HMCN2: variants seen among roughly 807,000 people sequenced by gnomAD.
HMCN2 encodes the protein hemicentin-2.
In HMCN2, 325 loss-of-function variants were observed where a neutral mutation model predicts 377.5. The ratio of observed to expected loss-of-function variants is 0.86; its 90% CI spans 0.79 to 0.94. HMCN2 has a LOEUF of 0.94. HMCN2 is among the 40% of genes least tolerant of loss of function. The pLI, the probability that HMCN2 is intolerant of heterozygous loss-of-function variation, is 0.00. For synonymous variants in HMCN2, 2,007 were observed against 2,046.8 expected (o/e 0.98, Z 0.53); for missense variants, 4,543 against 4,725.3 (o/e 0.96, Z 1.13).
chr9:130,396,653 C>T (rs1187482782), intron 73 of HMCN2, among the ~76,000 whole-genome samples: 1 of 152,054 alleles, frequency 6.6e-6, no homozygotes, highest in Non-Finnish European at 1.5e-5. Context: ...CCCCTGACAA[C>T]CCCGTGGCCC....
chr9:130,429,514 T>G (rs1844605939), intron 93 of HMCN2, 43 bp from the exon 94 acceptor site: 1 of 1,549,018 alleles, frequency 6.5e-7, no homozygotes, highest in Non-Finnish European at 8.7e-7. Flanking sequence ...GGAGGGGCCC[T>G]GGGCTAGACC....
intron 8 of HMCN2, 145 bp from the exon 9 acceptor site, chr9:130,302,712 A>G: frequency 3.4e-6 from 1 of 291,282 alleles, no homozygotes; most frequent in Non-Finnish European, 7.1e-6. Flanking sequence ...GCAGAGGTGA[A>G]AACTGAGCTT....
intron 4 of HMCN2, among the ~76,000 whole-genome samples, chr9:130,292,992 AT>A (rs1554930566): frequency 6.1e-5 from 9 of 146,396 alleles, no homozygotes; most frequent in African/African-American, 2.2e-4. Context: ...CTATCTATCT[AT>A]CTATCTACCT....
chr9:130,422,649 AC>A lies in HMCN2; in HGVS notation c.13305del (p.Asn4435LysfsTer4). The A allele has an allele frequency of 7.5e-7, 1 of 1,326,296 alleles. No homozygotes were observed. Among genetic ancestry groups the A allele is most frequent in the African/African-American group, 1.5e-5 (1 of 65,378 alleles). 82.2% of individuals were successfully genotyped at this position (1,326,296 alleles called of 1,614,324 possible). On this transcript the variant is annotated frameshift_variant, in exon 87 of 98. Coordinates refer to ENST00000683500, the MANE Select transcript of HMCN2 (RefSeq NM_001291815.2). LOFTEE classifies it high-confidence loss of function. This position sits in a 1 kb window ranked among gnomAD's most constrained non-coding sequence, Gnocchi z 4.2. ...CGGAAATTTGGCGTGGCCACACTCA[AC>A]ACCAGCGTGATGCAGGAGGCACACT... ...NGRKFGVATL[N>X]TSVMQEAHSG...
At chr9:130,323,689 G>A (rs990388890) in intron 19 of HMCN2, among the ~76,000 whole-genome samples, 2 of 150,522 alleles carry the variant, frequency 1.3e-5, no homozygotes, top group East Asian at 3.9e-4. Flanking sequence ...CCCATTGAAA[G>A]CTTTTTTTTT....
chr9:130,288,546 C>T (rs1588177111), intron 4 of HMCN2, among the ~76,000 whole-genome samples: 2 of 152,236 alleles, frequency 1.3e-5, no homozygotes, highest in African/African-American at 2.4e-5. Context: ...CAAGGGGCCT[C>T]CAGCTGGGAG....
intron 19 of HMCN2, among the ~76,000 whole-genome samples, chr9:130,322,392 A>T (rs953300993): frequency 7.2e-4 from 109 of 151,672 alleles, no homozygotes; most frequent in African/African-American, 2.5e-3. Context: ...CTATCCATCT[A>T]ATCTATCTAC....
At chr9:130,346,630 G>A (rs1423997831) in intron 25 of HMCN2, among the ~76,000 whole-genome samples, 7 of 152,162 alleles carry the variant, frequency 4.6e-5, no homozygotes, top group African/African-American at 1.4e-4. Context: ...GCTGGAGCAC[G>A]GCAGGCTTGG....
intron 4 of HMCN2, among the ~76,000 whole-genome samples, chr9:130,287,422 A>AT (rs1835475003): frequency 6.6e-6 from 1 of 151,786 alleles, no homozygotes; most frequent in Non-Finnish European, 1.5e-5. Flanking sequence ...GCACCTCCTC[A>AT]TGGAGACCCT....
chr9:130,353,982 C>T (rs914975), intron 31 of HMCN2, among the ~76,000 whole-genome samples: 26,697 of 151,936 alleles, frequency 0.18, 2,946 homozygotes, highest in East Asian at 0.33. Context: ...CAAAGGGCAG[C>T]TGAGCTGCAT....
rs1407194096 is a variant in HMCN2 at position 130,312,046 on chromosome 9, C to T, written c.2350+1985C>T. On this transcript the variant is annotated intron_variant, in intron 15 of 97. Transcript: ENST00000683500. Reference sequence around the variant, plus strand: ...CATTTTGTTGCTGGCTCATGTAACCCTCACAACAACCCTTGGAGATGGAAC... The same window carrying T: ...CATTTTGTTGCTGGCTCATGTAACCTTCACAACAACCCTTGGAGATGGAAC... Among the ~76,000 whole-genome samples, 7 of 152,328 alleles carry T rather than the reference C, an allele frequency of 4.6e-5. No individual in the cohort carries two copies. In the East Asian group the frequency reaches 1.4e-3, roughly 29 times the overall value.
At chr9:130,403,428 G>T in intron 79 of HMCN2, 100 bp downstream of exon 79, 4 of 1,207,376 alleles carry the variant, frequency 3.3e-6, no homozygotes, top group Non-Finnish European at 4.3e-6. Context: ...CCGCAGACCT[G>T]CTGAGAGGTC....
At chr9:130,432,827 C>G (rs987380655) in intron 97 of HMCN2, 17 of 515,782 alleles carry the variant, frequency 3.3e-5, no homozygotes, top group Non-Finnish European at 5.9e-5. Context: ...TCCTCCACGC[C>G]ACTCACAGCG....
rs982165206 is a variant in HMCN2, at chr9:130,344,015, C to T, written c.3829+1579C>T. ...GGGACTCTGCACAGTGGGGAGGGGG[C>T]GGCGTGAGGGACCCTGGGCAGCAGC... is the stretch of plus-strand genomic sequence containing the variant. On this transcript the variant is annotated intron_variant, in intron 25 of 97. Coordinates refer to ENST00000683500, the MANE Select transcript of HMCN2 (RefSeq NM_001291815.2). 2.8e-4 allele frequency among the ~76,000 whole-genome samples: 43 copies of T among 151,708 alleles called. No homozygotes were observed. The East Asian group carries it at 7.5e-3, about 26-fold the overall frequency.
intron 73 of HMCN2, among the ~76,000 whole-genome samples, chr9:130,396,565 C>G (rs1029566623): frequency 6.6e-6 from 1 of 152,122 alleles, no homozygotes; most frequent in Admixed American, 6.5e-5. Flanking sequence ...TTTAAAGCTT[C>G]TCTCAGCTTC....
rs1404620303 is a variant in HMCN2 at position 130,434,029 on chromosome 9, CCCCGCGTTA to C, written c.*337_*345del. ...CTGGACGCGCGGGAGAGGGGGCAGA[CCCCGCGTTA>C]GGGGTGGCAGCAGCTGTCGCCCGGC... On this transcript the variant is annotated 3_prime_UTR_variant, in exon 98 of 98. Transcript: ENST00000683500. 3.8e-6 allele frequency: 1 copy of C among 260,700 alleles called. No homozygotes were observed. Among genetic ancestry groups the C allele is most frequent in the East Asian group, 6.8e-5 (1 of 14,620 alleles). The allele number at this position is 260,700 out of a possible 1,614,324, so 16.1% of individuals were successfully genotyped here.
rs1053591173 is a variant in HMCN2, at chr9:130,359,335, G to A, written c.5694G>A (p.Glu1898=). The A allele has an allele frequency of 1.5e-6, 2 of 1,303,816 alleles. No individual in the cohort carries two copies. Among genetic ancestry groups the A allele is most frequent in the Non-Finnish European group, 2.0e-6 (2 of 988,600 alleles). The allele number at this position is 1,303,816 out of a possible 1,614,324, so 80.8% of individuals were successfully genotyped here. Reference sequence around the variant, plus strand: ...TCCCCCTAGTGCCCCCCAACATCGAGCCAGGCCCAGTCAACAAGGCAGTGC... The same window carrying A: ...TCCCCCTAGTGCCCCCCAACATCGAACCAGGCCCAGTCAACAAGGCAGTGC... ...ALKVLVPPNI[E]PGPVNKAVLE... The change falls in exon 37 of 98, where the codon GAG becomes GAA. Residue 1898 remains glutamate (E), a synonymous_variant. Transcript: ENST00000683500.
At position 130,406,004 on chromosome 9, in the gene HMCN2, G is replaced by A. The variant is rs953921699; in HGVS notation, c.12389G>A (p.Arg4130Gln). 4.8e-5 allele frequency: 62 copies of A among 1,289,590 alleles called. No homozygotes were observed. Among genetic ancestry groups the A allele is most frequent in the Non-Finnish European group, 5.4e-5 (53 of 988,838 alleles). The allele number at this position is 1,289,590 out of a possible 1,614,324, so 79.9% of individuals were successfully genotyped here. Reference protein sequence around the residue: ...YTCTAENAVGRARRRVHLTIL... With the variant: ...YTCTAENAVGQARRRVHLTIL... ...TGTACCGCTGAGAACGCCGTGGGCCGGGCCCGCCGCCGCGTGCACCTCACC... is the reference window on the plus strand; with the variant it reads ...TGTACCGCTGAGAACGCCGTGGGCCAGGCCCGCCGCCGCGTGCACCTCACC... Residue 4130 changes from arginine to glutamine, a missense_variant, in exon 82 of 98, where the codon CGG (arginine) becomes CAG (glutamine). Arg to Gln is a conservative substitution (Grantham distance 43). This residue lies in a region of HMCN2 where 1,073 missense variants were observed against 1,319.5 expected (regional missense o/e 0.81). Coordinates refer to ENST00000683500, the MANE Select transcript of HMCN2 (RefSeq NM_001291815.2).
chr9:130,387,375 C>T (rs945654937), intron 61 of HMCN2, among the ~76,000 whole-genome samples: 4 of 152,284 alleles, frequency 2.6e-5, no homozygotes, highest in Middle Eastern at 3.4e-3. Context: ...CGGCTCCATG[C>T]GGTAGTTAAG....
Sources: gnomAD v4.1 joint callset for allele counts (sites outside exome capture counted in the v4.1 genomes callset) on GRCh38, gnomAD v4.1.1 for gene constraint, gnomAD v4.1.1 regional missense constraint, Gnocchi (gnomAD v3.1) non-coding constraint, MANE v1.5 for transcripts, NCBI Gene and HGNC (gene_info 2026-07-23, HGNC 2026-07-21) for gene names.